SHQ1: variants seen among roughly 807,000 people sequenced by gnomAD.
SHQ1 encodes SHQ1, H/ACA ribonucleoprotein assembly factor.
A neutral mutation model predicts 53.8 loss-of-function variants in SHQ1; 49 were observed. The observed-to-expected ratio is 0.91, with a 90% CI of 0.72 to 1.16. SHQ1 has a LOEUF of 1.16. Ranked by LOEUF, SHQ1 falls within the 50% of genes most tolerant of loss-of-function variation. The pLI, the probability that SHQ1 is intolerant of heterozygous loss-of-function variation, is 0.00. For missense variants in SHQ1, 738 were observed against 683.1 expected (o/e 1.08, Z -0.90); for synonymous variants, 243 against 251.0 (o/e 0.97, Z 0.30).
At chr3:72,796,101 C>CAAAAAAAAAAA (rs555086403) in intron 9 of SHQ1, among the ~76,000 whole-genome samples, 1 of 40,518 alleles carries the variant, frequency 2.5e-5, no homozygotes, top group African/African-American at 7.2e-5. Context: ...GACTCCATCT[C>CAAAAAAAAAAA]AAAAAAAAAA....
At chr3:72,813,564 C>T (rs1324760150) in intron 8 of SHQ1, among the ~76,000 whole-genome samples, 1 of 151,226 alleles carries the variant, frequency 6.6e-6, no homozygotes, top group Non-Finnish European at 1.5e-5. Flanking sequence ...GAGATCGAGA[C>T]CACCCTGGCT....
chr3:72,791,027 A>G (rs1706416653), intron 10 of SHQ1, among the ~76,000 whole-genome samples: 1 of 152,214 alleles, frequency 6.6e-6, no homozygotes, highest in African/African-American at 2.4e-5. Flanking sequence ...GATAATCCCT[A>G]CATCTACTTG....
chr3:72,816,774 G>C (rs771864887), intron 7 of SHQ1, among the ~76,000 whole-genome samples: 3 of 152,100 alleles, frequency 2.0e-5, no homozygotes, highest in Admixed American at 6.5e-5. Flanking sequence ...TATGAATTGA[G>C]GGACACTTGC....
intron 8 of SHQ1, among the ~76,000 whole-genome samples, chr3:72,813,384 C>T (rs1020829191): frequency 2.7e-5 from 4 of 148,764 alleles, no homozygotes; most frequent in Admixed American, 6.8e-5. Context: ...GAGAATAGCT[C>T]GATCCTGGGA....
the SHQ1 span, among the ~76,000 whole-genome samples, chr3:72,741,054 T>C: frequency 6.6e-6 from 1 of 152,150 alleles, no homozygotes; most frequent in Non-Finnish European, 1.5e-5. Context: ...ACCTCAGAGA[T>C]TCTATTTCCA....
chr3:72,791,491 T>G (rs75911734), intron 10 of SHQ1, among the ~76,000 whole-genome samples: 2 of 152,228 alleles, frequency 1.3e-5, no homozygotes. Context: ...TATTTCATTC[T>G]GCAATATAAT....
intron 10 of SHQ1, among the ~76,000 whole-genome samples, chr3:72,761,615 A>T (rs1705610065): frequency 6.6e-6 from 1 of 152,218 alleles, no homozygotes; most frequent in Non-Finnish European, 1.5e-5. Context: ...AAAGGCTTGC[A>T]CTTCCTGTGC....
chr3:72,737,472 G>A, the SHQ1 span, among the ~76,000 whole-genome samples: 14 of 151,898 alleles, frequency 9.2e-5, no homozygotes, highest in African/African-American at 3.1e-4. Context: ...GAGAATGAAA[G>A]AAAGAAAAAG....
chr3:72,848,179 C>T lies in SHQ1; in HGVS notation c.143+19G>A. On this transcript the variant is annotated intron_variant, in intron 1 of 10. Transcript: ENST00000325599. ...TCTAACGAATGCGCCTTTCCTGCGG[C>T]CAGGCACCCCGAACTCGCCTGAGAA... is the stretch of plus-strand genomic sequence containing the variant. The T allele has an allele frequency of 6.2e-7, 1 of 1,614,052 alleles. No homozygotes were observed. Among genetic ancestry groups the T allele is most frequent in the Non-Finnish European group, 8.5e-7 (1 of 1,179,910 alleles).
At chr3:72,735,693 A>C in the SHQ1 span, among the ~76,000 whole-genome samples, 1 of 147,282 alleles carries the variant, frequency 6.8e-6, no homozygotes, top group Non-Finnish European at 1.5e-5. Context: ...TGCCCAATTC[A>C]GCTAAAGAGA....
At chr3:72,741,391 G>A in the SHQ1 span, among the ~76,000 whole-genome samples, 1 of 152,100 alleles carries the variant, frequency 6.6e-6, no homozygotes. Context: ...TTCGAGACTA[G>A]CCTGGCCAAC....
At chr3:72,748,263 C>G (rs1223576033), downstream of SHQ1, among the ~76,000 whole-genome samples, 1 of 130,698 alleles carries the variant, frequency 7.7e-6, no homozygotes, top group Admixed American at 9.3e-5. Context: ...TATAAGAATG[C>G]ATATCTAGCA....
intron 7 of SHQ1, among the ~76,000 whole-genome samples, chr3:72,816,169 T>C (rs1054956814): frequency 4.6e-5 from 7 of 152,040 alleles, no homozygotes; most frequent in Admixed American, 1.3e-4. Flanking sequence ...AATTGGTACA[T>C]AGAAAATTCT....
At chr3:72,817,472 T>C in intron 6 of SHQ1, 88 bp from the exon 7 acceptor site, 2 of 1,249,982 alleles carry the variant, frequency 1.6e-6, no homozygotes, top group Non-Finnish European at 2.2e-6. Flanking sequence ...GAACTTTGAT[T>C]ATAGAAACTG....
the SHQ1 span, among the ~76,000 whole-genome samples, chr3:72,738,906 G>T: frequency 6.7e-6 from 1 of 150,148 alleles, no homozygotes; most frequent in African/African-American, 2.4e-5. Flanking sequence ...GCCCCGCCCC[G>T]CGACGCCCGA....
intron 1 of SHQ1, among the ~76,000 whole-genome samples, chr3:72,847,848 T>G (rs1708396628): frequency 6.6e-6 from 1 of 151,832 alleles, no homozygotes; most frequent in African/African-American, 2.4e-5. Context: ...AGGGAGAGAC[T>G]GGGAGAGCAA....
At chr3:72,810,757 G>A (rs1030784688) in intron 9 of SHQ1, among the ~76,000 whole-genome samples, 3 of 152,154 alleles carry the variant, frequency 2.0e-5, no homozygotes, top group African/African-American at 7.2e-5. Flanking sequence ...GACAGGTGAC[G>A]ATTCTCATCC....
At chr3:72,755,746 T>C (rs1018037275) in intron 10 of SHQ1, among the ~76,000 whole-genome samples, 1 of 152,250 alleles carries the variant, frequency 6.6e-6, no homozygotes, top group African/African-American at 2.4e-5. Flanking sequence ...CACAATCTAC[T>C]TTTGTAACAG....
intron 3 of SHQ1, among the ~76,000 whole-genome samples, chr3:72,841,617 C>T (rs1203809297): frequency 6.6e-6 from 1 of 152,126 alleles, no homozygotes; most frequent in East Asian, 1.9e-4. Context: ...GGAAATGCTC[C>T]ATTTCTTGAC....
Sources: gnomAD v4.1 joint callset for allele counts (sites outside exome capture counted in the v4.1 genomes callset) on GRCh38, gnomAD v4.1.1 for gene constraint, MANE v1.5 for transcripts, NCBI Gene and HGNC (gene_info 2026-07-23, HGNC 2026-07-21) for gene names.